Variants in SRD5A2 observed in about 807,000 individuals in gnomAD.
SRD5A2 encodes steroid 5 alpha-reductase 2, also known as 3-oxo-5-alpha-steroid 4-dehydrogenase 2.
A neutral mutation model predicts 27.4 loss-of-function variants in SRD5A2; 30 were observed. That is an observed-to-expected ratio of 1.10 (90% CI 0.82 to 1.49). SRD5A2 has a LOEUF of 1.49. Among genes scored for constraint, SRD5A2 ranks in the 40% most tolerant of loss-of-function variants. The probability of loss-of-function intolerance (pLI) is 0.00; values close to 1 mark genes in which losing one functional copy is unlikely to be tolerated. For missense variants in SRD5A2, 348 were observed against 323.4 expected, an observed-to-expected ratio of 1.08 and a Z score of -0.58; for synonymous variants, 141 against 133.6, an observed-to-expected ratio of 1.06 and a Z score of -0.38.
the SRD5A2 span, among the ~76,000 whole-genome samples, chr2:31,644,678 G>C: frequency 6.6e-6 from 1 of 152,080 alleles, no homozygotes; most frequent in Non-Finnish European, 1.5e-5. Flanking sequence ...CACAGCCTGT[G>C]GATTGAGAAC....
At chr2:31,534,432 C>A (rs949635447) in intron 1 of SRD5A2, among the ~76,000 whole-genome samples, 14 of 152,166 alleles carry the variant, frequency 9.2e-5, no homozygotes, top group African/African-American at 3.1e-4. Flanking sequence ...CGAGAAGGAA[C>A]CCCTAGTTTG....
At chr2:31,526,570 G>A (rs574221178) in intron 4 of SRD5A2, among the ~76,000 whole-genome samples, 148 of 152,064 alleles carry the variant, frequency 9.7e-4, no homozygotes, top group Middle Eastern at 3.4e-3. Context: ...TTTTTGTTAC[G>A]TATATCCTAC....
chr2:31,647,526 T>C, the SRD5A2 span, among the ~76,000 whole-genome samples: 2 of 152,224 alleles, frequency 1.3e-5, no homozygotes, highest in South Asian at 2.1e-4. Flanking sequence ...AAAAATTAAT[T>C]AGTTTTCCTA....
At position 31,524,124 on chromosome 2, in the gene SRD5A2, A is replaced by T. The variant is rs547843477; in HGVS notation, c.*2072T>A. 3.6e-5 allele frequency: 8 copies of T among 222,648 alleles called. No individual in the cohort carries two copies. Among genetic ancestry groups the T allele is most frequent in the Non-Finnish European group, 7.2e-5 (8 of 111,356 alleles). 13.8% of individuals were successfully genotyped at this position (222,648 alleles called of 1,614,324 possible). On this transcript the variant is annotated 3_prime_UTR_variant, in exon 5 of 5. Transcript: ENST00000622030. ...GTCCTGAGACTGAGTACTGCCATTT[A>T]TTGTATATTTATTTCATCTCAAGGA...
At chr2:31,646,288 A>C in the SRD5A2 span, among the ~76,000 whole-genome samples, 1 of 152,120 alleles carries the variant, frequency 6.6e-6, no homozygotes, top group South Asian at 2.1e-4. Context: ...ACTCATCATT[A>C]ATTATTAATA....
chr2:31,652,060 G>C, the SRD5A2 span, among the ~76,000 whole-genome samples: 2 of 152,166 alleles, frequency 1.3e-5, no homozygotes, highest in Non-Finnish European at 2.9e-5. Context: ...CAGGACGGAG[G>C]CAATCCTCCC....
At chr2:31,562,223 T>A (rs567005968) in intron 1 of SRD5A2, among the ~76,000 whole-genome samples, 129 of 152,310 alleles carry the variant, frequency 8.5e-4, no homozygotes, top group African/African-American at 3.0e-3. Context: ...AGGTCTTTTT[T>A]TTCCTTTTTA....
chr2:31,657,212 T>C, the SRD5A2 span, among the ~76,000 whole-genome samples: 1 of 152,194 alleles, frequency 6.6e-6, no homozygotes, highest in Admixed American at 6.5e-5. Flanking sequence ...TGCACACAAA[T>C]GTGCGTCCCA....
At chr2:31,631,549 G>A in the SRD5A2 span, among the ~76,000 whole-genome samples, 4 of 152,162 alleles carry the variant, frequency 2.6e-5, no homozygotes, top group African/African-American at 9.6e-5. Context: ...CAGAGTGTAC[G>A]TACCTTTTTT....
At chr2:31,659,712 A>G in the SRD5A2 span, among the ~76,000 whole-genome samples, 4 of 152,222 alleles carry the variant, frequency 2.6e-5, no homozygotes, top group East Asian at 7.7e-4. Flanking sequence ...AACATTCCAC[A>G]TTCATGGATA....
At chr2:31,614,753 C>T in the SRD5A2 span, among the ~76,000 whole-genome samples, 3 of 152,208 alleles carry the variant, frequency 2.0e-5, no homozygotes, top group Non-Finnish European at 4.4e-5. Context: ...AGTTCCAAAA[C>T]TTTAATTCTT....
rs188070602 is a variant in SRD5A2, at chr2:31,572,290, T to A, written c.281+8330A>T. Among the ~76,000 whole-genome samples the A allele has an allele frequency of 3.9e-5, 6 of 152,226 alleles. No homozygotes were observed. In the East Asian group the frequency reaches 9.7e-4, roughly 25 times the overall value. Reference sequence around the variant, plus strand: ...ATGGATACTAAGAGAACAACAGCACTGGGGTCTACTTGAGGGTGGAGGATG... The same window carrying A: ...ATGGATACTAAGAGAACAACAGCACAGGGGTCTACTTGAGGGTGGAGGATG... On this transcript the variant is annotated intron_variant, in intron 1 of 4. Transcript: ENST00000622030.
the SRD5A2 span, among the ~76,000 whole-genome samples, chr2:31,604,228 G>A: frequency 6.6e-6 from 1 of 151,668 alleles, no homozygotes; most frequent in Non-Finnish European, 1.5e-5. Context: ...AACATGACTA[G>A]GGTGCCCACT....
the SRD5A2 span, among the ~76,000 whole-genome samples, chr2:31,589,441 C>T: frequency 3.3e-5 from 5 of 152,250 alleles, no homozygotes; most frequent in African/African-American, 1.2e-4. Flanking sequence ...TCTCCCAGGT[C>T]CTCCTTCTCC....
the SRD5A2 span, among the ~76,000 whole-genome samples, chr2:31,610,099 A>G: frequency 6.6e-6 from 1 of 152,176 alleles, no homozygotes; most frequent in South Asian, 2.1e-4. Context: ...CATTTCAAGA[A>G]GAACTAATAC....
At chr2:31,537,987 T>C (rs552963061) in intron 1 of SRD5A2, among the ~76,000 whole-genome samples, 16 of 152,200 alleles carry the variant, frequency 1.1e-4, no homozygotes, top group Non-Finnish European at 2.1e-4. Flanking sequence ...GTGAAATAGA[T>C]TTCTGCTCTT....
upstream of SRD5A2, among the ~76,000 whole-genome samples, chr2:31,584,658 A>T (rs138889021): frequency 1.1e-4 from 16 of 152,356 alleles, no homozygotes; most frequent in African/African-American, 3.8e-4. Flanking sequence ...AAAGCACTAT[A>T]CTTACAACTA....
At chr2:31,600,073 A>G in the SRD5A2 span, among the ~76,000 whole-genome samples, 37 of 152,130 alleles carry the variant, frequency 2.4e-4, no homozygotes, top group East Asian at 6.2e-3. Context: ...GATAAGTGAG[A>G]ACATACAGTA....
chr2:31,526,031 AC>A lies in SRD5A2; in HGVS notation c.*164del. On this transcript the variant is annotated 3_prime_UTR_variant, in exon 5 of 5. Coordinates refer to ENST00000622030, the MANE Select transcript of SRD5A2 (RefSeq NM_000348.4). ...GGGGTCCCTGGAAGGGTAGGAGTAA[AC>A]TCTAAGCAGACACCACTCAGAATCC... 1 of 546,278 alleles carries A rather than the reference AC, an allele frequency of 1.8e-6. No individual in the cohort carries two copies. Among genetic ancestry groups the A allele is most frequent in the African/African-American group, 2.0e-5 (1 of 51,266 alleles). 33.8% of individuals were successfully genotyped at this position (546,278 alleles called of 1,614,324 possible).
Sources: gnomAD v4.1 joint callset for allele counts (sites outside exome capture counted in the v4.1 genomes callset) on GRCh38, gnomAD v4.1.1 for gene constraint, MANE v1.5 for transcripts, NCBI Gene and HGNC (gene_info 2026-07-23, HGNC 2026-07-21) for gene names.